Variants in SEC11A observed in about 807,000 individuals in gnomAD.
SEC11A encodes the protein signal peptidase complex catalytic subunit SEC11A.
SEC11A carries 14 observed loss-of-function variants against 25.6 expected under a neutral mutation model. That is an observed-to-expected ratio of 0.55 (90% CI 0.36 to 0.85). The LOEUF (loss-of-function observed/expected upper bound fraction) is 0.85. SEC11A is among the 40% of genes least tolerant of loss of function. The pLI, the probability that SEC11A is intolerant of heterozygous loss-of-function variation, is 0.01. For synonymous variants in SEC11A, 83 were observed against 76.4 expected (o/e 1.09, Z -0.45); for missense variants, 153 against 222.9 (o/e 0.69, Z 2.00).
At chr15:84,685,562 C>T (rs1042431256) in intron 3 of SEC11A, among the ~76,000 whole-genome samples, 4 of 152,092 alleles carry the variant, frequency 2.6e-5, no homozygotes, top group African/African-American at 9.6e-5. Flanking sequence ...GCATGAGTCA[C>T]CACACCCAGC....
intron 3 of SEC11A, among the ~76,000 whole-genome samples, chr15:84,684,402 T>C (rs572833354): frequency 9.2e-5 from 14 of 152,302 alleles, no homozygotes; most frequent in African/African-American, 3.4e-4. Context: ...ACCTCTTGCC[T>C]GCCGACATGT....
At chr15:84,679,896 C>T (rs1367818378) in intron 4 of SEC11A, 3 of 1,440,284 alleles carry the variant, frequency 2.1e-6, no homozygotes, top group African/African-American at 2.8e-5. Flanking sequence ...ATTAAGGGAG[C>T]AACAATGCCA....
intron 1 of SEC11A, among the ~76,000 whole-genome samples, chr15:84,714,012 T>G (rs912372984): frequency 4.2e-5 from 6 of 142,142 alleles, no homozygotes; most frequent in African/African-American, 1.3e-4. Flanking sequence ...TCCTGCCATA[T>G]ACCTTCTTTT....
chr15:84,710,488 T>C (rs1898227439), intron 1 of SEC11A, among the ~76,000 whole-genome samples: 1 of 151,842 alleles, frequency 6.6e-6, no homozygotes, highest in Non-Finnish European at 1.5e-5. Context: ...AATACAAAAA[T>C]TAGCCGGGAG....
chr15:84,685,806 T>C (rs1897405021), intron 3 of SEC11A: 1 of 140,932 alleles, frequency 7.1e-6, no homozygotes, highest in Non-Finnish European at 1.5e-5. Flanking sequence ...TCTTTTTTTT[T>C]TTTTTTTTTT....
rs558765729 is a variant in SEC11A at position 84,710,056 on chromosome 15, TA to T, written c.51+5968del. Reference sequence around the variant, plus strand: ...GCTATATTTGGTATTTTAACTTTTGTAAAATTTAAGAGAATTTGGCCTAGTG... The same window carrying T: ...GCTATATTTGGTATTTTAACTTTTGTAAATTTAAGAGAATTTGGCCTAGTG... On this transcript the variant is annotated intron_variant, in intron 1 of 5. Transcript: ENST00000268220. Among the ~76,000 whole-genome samples the T allele has an allele frequency of 1.8e-3, 274 of 152,340 alleles. 4 individuals carry two copies. The highest frequency in any genetic ancestry group is 6.4e-3 in the African/African-American group (265 of 41,592).
chr15:84,715,333 T>C (rs1898426512), intron 1 of SEC11A, among the ~76,000 whole-genome samples: 2 of 152,200 alleles, frequency 1.3e-5, no homozygotes, highest in African/African-American at 4.8e-5. Context: ...CAGTACTATT[T>C]GGCATACGAT....
chr15:84,691,820 T>A (rs1596076285), intron 1 of SEC11A, 176 bp from the exon 2 acceptor site: 1 of 428,726 alleles, frequency 2.3e-6, no homozygotes, highest in East Asian at 3.7e-5. Flanking sequence ...AGGCCCCCCT[T>A]CTTTCACCCA....
At chr15:84,691,903 T>C (rs1264262772) in intron 1 of SEC11A, 1 of 269,016 alleles carries the variant, frequency 3.7e-6, no homozygotes, top group Non-Finnish European at 6.9e-6. Flanking sequence ...TTAAGAACAT[T>C]TCACACAAGT....
chr15:84,697,564 T>C (rs1368076850), intron 1 of SEC11A, among the ~76,000 whole-genome samples: 2 of 152,208 alleles, frequency 1.3e-5, no homozygotes, highest in Non-Finnish European at 2.9e-5. Flanking sequence ...CACTATTTGC[T>C]AAAACAAACA....
At chr15:84,678,029 C>G (rs1299207671) in intron 4 of SEC11A, among the ~76,000 whole-genome samples, 1 of 152,062 alleles carries the variant, frequency 6.6e-6, no homozygotes, top group Admixed American at 6.6e-5. Context: ...AAACCCATCT[C>G]TACTAAAAAT....
chr15:84,682,482 A>G (rs1484584649), intron 3 of SEC11A, among the ~76,000 whole-genome samples: 1 of 152,084 alleles, frequency 6.6e-6, no homozygotes, highest in East Asian at 1.9e-4. Context: ...AGAGTCTCAC[A>G]CTGTCGCCCA....
At chr15:84,683,962 T>C (rs1376903500) in intron 3 of SEC11A, among the ~76,000 whole-genome samples, 1 of 152,086 alleles carries the variant, frequency 6.6e-6, no homozygotes, top group Non-Finnish European at 1.5e-5. Context: ...TCTAGGGAGA[T>C]CAAAGAGTTT....
chr15:84,693,683 A>C (rs924822509), intron 1 of SEC11A, among the ~76,000 whole-genome samples: 1 of 151,312 alleles, frequency 6.6e-6, no homozygotes, highest in Non-Finnish European at 1.5e-5. Context: ...CTGGTCTCAA[A>C]CTCCTGGCCT....
At chr15:84,713,625 A>G (rs956569204) in intron 1 of SEC11A, among the ~76,000 whole-genome samples, 12 of 152,200 alleles carry the variant, frequency 7.9e-5, no homozygotes, top group African/African-American at 2.9e-4. Context: ...CTGAACCACA[A>G]TCACTCCATA....
chr15:84,684,203 T>C (rs1295658189), intron 3 of SEC11A, among the ~76,000 whole-genome samples: 1 of 152,206 alleles, frequency 6.6e-6, no homozygotes, highest in Non-Finnish European at 1.5e-5. Flanking sequence ...TCTCCTGATA[T>C]GGTTTGGCTG....
chr15:84,677,663 C>T (rs949884425), intron 4 of SEC11A, among the ~76,000 whole-genome samples: 8 of 151,744 alleles, frequency 5.3e-5, no homozygotes, highest in Non-Finnish European at 1.2e-4. Flanking sequence ...TTAGTAGAGA[C>T]GGAGTTTCAC....
chr15:84,691,047 T>G lies in SEC11A; in HGVS notation c.161+488A>C, dbSNP rs566611392. Reference sequence around the variant, plus strand: ...CTTTGGAGTTCTGAATGGAAATGCCTAACAAAGTAAGAATTTCTTTTCTCT... The same window carrying G: ...CTTTGGAGTTCTGAATGGAAATGCCGAACAAAGTAAGAATTTCTTTTCTCT... On this transcript the variant is annotated intron_variant, in intron 2 of 5. Transcript: ENST00000268220. Among the ~76,000 whole-genome samples, 381 of 150,102 alleles carry G rather than the reference T, an allele frequency of 2.5e-3. 3 individuals are homozygous for G. Among genetic ancestry groups the G allele is most frequent in the Non-Finnish European group, 4.1e-3 (278 of 67,680 alleles).
At position 84,677,358 on chromosome 15, in the gene SEC11A, T is replaced by C. The variant is rs548266542; in HGVS notation, c.431+3355A>G. On this transcript the variant is annotated intron_variant, in intron 4 of 5. Transcript: ENST00000268220. The stretch of plus-strand genomic sequence containing the variant: ...TTTTTTTCTACAGAAACTTCCTTAA[T>C]GCAGAGAGTACTAGACTATTACATT... Among the ~76,000 whole-genome samples the C allele has an allele frequency of 5.3e-4, 81 of 152,174 alleles. No homozygotes were observed. The East Asian group carries it at 0.014, about 25-fold the overall frequency.
Sources: allele counts gnomAD v4.1 joint callset (sites outside exome capture counted in the v4.1 genomes callset), GRCh38; gene constraint gnomAD v4.1.1; transcripts MANE v1.5; gene names NCBI Gene and HGNC (gene_info 2026-07-23, HGNC 2026-07-21).